Variants in ARHGEF4 observed in about 807,000 individuals in gnomAD.
The protein encoded by ARHGEF4 is Rho guanine nucleotide exchange factor 4, also known as APC-stimulated guanine nucleotide exchange factor 1.
Under a neutral mutation model 162.0 loss-of-function variants are expected in ARHGEF4, and 119 were observed. The ratio of observed to expected loss-of-function variants is 0.73; its 90% CI spans 0.63 to 0.86. The LOEUF is 0.86. Ranked by LOEUF, ARHGEF4 falls within the 40% of genes least tolerant of loss-of-function variation. The pLI, the probability that ARHGEF4 is intolerant of heterozygous loss-of-function variation, is 0.00. For synonymous variants in ARHGEF4, 1,014 were observed against 979.9 expected (o/e 1.03, Z -0.65); for missense variants, 2,488 against 2,456.0 (o/e 1.01, Z -0.28).
chr2:130,885,536 A>C (rs1011876585), intron 1 of ARHGEF4, among the ~76,000 whole-genome samples: 2 of 149,750 alleles, frequency 1.3e-5, no homozygotes, highest in African/African-American at 5.0e-5. Flanking sequence ...GGGCATATTC[A>C]AACCATAGCA....
At chr2:130,859,384 T>C (rs1681921584) in intron 1 of ARHGEF4, among the ~76,000 whole-genome samples, 1 of 97,526 alleles carries the variant, frequency 1.0e-5, no homozygotes. Flanking sequence ...CAAGAGTCCA[T>C]CTCAAAAAAA....
intron 1 of ARHGEF4, among the ~76,000 whole-genome samples, chr2:130,848,238 C>T (rs1256804670): frequency 6.6e-6 from 1 of 152,156 alleles, no homozygotes; most frequent in Non-Finnish European, 1.5e-5. Flanking sequence ...CTCCCGCCCA[C>T]CCTGTGGGGC....
intron 3 of ARHGEF4, among the ~76,000 whole-genome samples, chr2:130,939,515 T>C (rs1008098907): frequency 2.0e-5 from 3 of 152,212 alleles, no homozygotes; most frequent in African/African-American, 4.8e-5. Context: ...TTCATGTTGA[T>C]TAGATGGAGT....
At chr2:130,870,201 G>A (rs532535144) in intron 1 of ARHGEF4, among the ~76,000 whole-genome samples, 1 of 152,280 alleles carries the variant, frequency 6.6e-6, no homozygotes, top group African/African-American at 2.4e-5. Context: ...CCCTCTTGTG[G>A]CACCTCCTCC....
At chr2:130,894,780 G>T (rs950787290) in intron 1 of ARHGEF4, among the ~76,000 whole-genome samples, 2 of 151,950 alleles carry the variant, frequency 1.3e-5, no homozygotes, top group Non-Finnish European at 2.9e-5. Flanking sequence ...TCCTCCTGTG[G>T]CGGGAGGTTG....
At chr2:130,885,290 A>T (rs1424459334) in intron 1 of ARHGEF4, among the ~76,000 whole-genome samples, 1 of 152,094 alleles carries the variant, frequency 6.6e-6, no homozygotes, top group East Asian at 1.9e-4. Flanking sequence ...GGATTGCATA[A>T]CCTATGGTGA....
Position 130,916,083 on chromosome 2 carries a change from C to T in ARHGEF4, c.2137C>T (p.Leu713Phe). 5 of 1,550,258 alleles carry T rather than the reference C, an allele frequency of 3.2e-6. No homozygotes were observed. The highest frequency in any genetic ancestry group is 4.4e-6 in the Non-Finnish European group (5 of 1,146,948). The change falls in exon 2 of 14, where the codon CTT (leucine) becomes TTT (phenylalanine). Residue 713 changes from leucine (L) to phenylalanine (F), a missense_variant. Leu to Phe is a conservative substitution (Grantham distance 22). This residue lies in a region of ARHGEF4 where 1,642 missense variants were observed against 1,481.5 expected (regional missense o/e 1.11). Transcript: ENST00000409359. ...ALQRVAQAAE[L>F]GRVLVPQAAS... ...TCAGCGGGTGGCCCAGGCCGCAGAGCTTGGGAGAGTGCTGGTCCCCCAAGC... is the reference window on the plus strand; with the variant it reads ...TCAGCGGGTGGCCCAGGCCGCAGAGTTTGGGAGAGTGCTGGTCCCCCAAGC...
At chr2:130,891,699 G>C (rs985270784) in intron 1 of ARHGEF4, among the ~76,000 whole-genome samples, 1 of 152,110 alleles carries the variant, frequency 6.6e-6, no homozygotes, top group African/African-American at 2.4e-5. Flanking sequence ...GCACGTCCCT[G>C]GCGTCTCTTC....
intron 1 of ARHGEF4, among the ~76,000 whole-genome samples, chr2:130,892,512 A>G (rs1679914320): frequency 6.6e-6 from 1 of 152,182 alleles, no homozygotes; most frequent in Non-Finnish European, 1.5e-5. Context: ...TGGGTTCAAC[A>G]GTTTGCTAGG....
At chr2:130,905,010 C>A (rs766485889) in intron 1 of ARHGEF4, among the ~76,000 whole-genome samples, 62 of 152,190 alleles carry the variant, frequency 4.1e-4, no homozygotes, top group Non-Finnish European at 7.9e-4. Context: ...ACATCGGAGG[C>A]AGAGGTTGCA....
intron 4 of ARHGEF4, among the ~76,000 whole-genome samples, chr2:130,951,901 A>G (rs1683982911): frequency 6.6e-6 from 1 of 152,168 alleles, no homozygotes; most frequent in Non-Finnish European, 1.5e-5. Flanking sequence ...ACATTAGTAA[A>G]ATGATTACTC....
At chr2:130,867,393 G>A (rs911816451) in intron 1 of ARHGEF4, among the ~76,000 whole-genome samples, 3 of 151,722 alleles carry the variant, frequency 2.0e-5, no homozygotes, top group African/African-American at 7.3e-5. Flanking sequence ...GCGTGCCACT[G>A]CGCCTGGCTA....
rs112574382 is a variant in ARHGEF4 at position 130,976,322 on chromosome 2, G to A, written c.3985+29687G>A. Among the ~76,000 whole-genome samples the A allele has an allele frequency of 5.2e-3, 764 of 145,786 alleles. 2 individuals are homozygous for A. Among genetic ancestry groups the A allele is most frequent in the Middle Eastern group, 0.01 (3 of 290 alleles). On this transcript the variant is annotated intron_variant, in intron 4 of 13. Transcript: ENST00000409359. ...ATCTAGAGCTCTCAAAACTCATTCGGCCCCAGAATCGTGTGTGTGTGTGTG... is the reference window on the plus strand; with the variant it reads ...ATCTAGAGCTCTCAAAACTCATTCGACCCCAGAATCGTGTGTGTGTGTGTG...
chr2:130,928,540 G>A (rs144705705), intron 2 of ARHGEF4, among the ~76,000 whole-genome samples: 1 of 152,296 alleles, frequency 6.6e-6, no homozygotes, highest in East Asian at 1.9e-4. Flanking sequence ...GGAAAGGGGA[G>A]TATACACAGT....
rs564192323 is a variant in ARHGEF4 at position 130,887,767 on chromosome 2, C to T, written c.40-26219C>T. Among the ~76,000 whole-genome samples, 15 of 152,264 alleles carry T rather than the reference C, an allele frequency of 9.9e-5. No homozygotes were observed. The South Asian group carries it at 2.9e-3, about 29-fold the overall frequency. ...GACAGTTCAGGAACCCAGGCCATTT[C>T]TGTGGTTGGCCCGGCTGTCCTCACC... On this transcript the variant is annotated intron_variant, in intron 1 of 13. Transcript: ENST00000409359.
chr2:130,864,799 G>A (rs746251973), intron 1 of ARHGEF4, among the ~76,000 whole-genome samples: 3 of 152,208 alleles, frequency 2.0e-5, no homozygotes, highest in Non-Finnish European at 2.9e-5. Flanking sequence ...GGTGATGGTT[G>A]CACAACTCTG....
In ARHGEF4 at chr2:131,039,943, G is replaced by A. The variant is rs1553445927; in HGVS notation, c.4306-73G>A. The A allele has an allele frequency of 5.3e-6, 8 of 1,512,490 alleles. No homozygotes were observed. In the South Asian group the frequency reaches 7.6e-5, roughly 14 times the overall value. 93.7% of individuals were successfully genotyped at this position (1,512,490 alleles called of 1,614,324 possible). On this transcript the variant is annotated intron_variant, in intron 6 of 13. Coordinates refer to ENST00000409359, the MANE Select transcript of ARHGEF4 (RefSeq NM_001367493.1). ...GCGGGGCCTCCGAGGCCCGGTTCCC[G>A]CCGCTGCGGCGCAGGGCGCGGGGCG...
intron 4 of ARHGEF4, among the ~76,000 whole-genome samples, chr2:131,024,222 G>T (rs986798788): frequency 1.3e-5 from 2 of 152,212 alleles, no homozygotes; most frequent in Admixed American, 6.5e-5. Flanking sequence ...TATGCCCTGT[G>T]ACTCTACAGT....
chr2:130,958,445 T>C (rs1201792863), intron 4 of ARHGEF4, among the ~76,000 whole-genome samples: 1 of 151,942 alleles, frequency 6.6e-6, no homozygotes, highest in African/African-American at 2.4e-5. Context: ...AGTCTTGCTC[T>C]GTTGCCCAGG....
Sources: gnomAD v4.1 joint callset for allele counts (sites outside exome capture counted in the v4.1 genomes callset) on GRCh38, gnomAD v4.1.1 for gene constraint, gnomAD v4.1.1 regional missense constraint, MANE v1.5 for transcripts, NCBI Gene and HGNC (gene_info 2026-07-23, HGNC 2026-07-21) for gene names.